The following SCN8A variants were observed in gnomAD, a reference collection of about 807,000 sequenced individuals.
SCN8A encodes the protein sodium channel protein type 8 subunit alpha.
Under a neutral mutation model 184.1 loss-of-function variants are expected in SCN8A, and 30 were observed. That is an observed-to-expected ratio of 0.16 (90% confidence interval 0.12 to 0.22). SCN8A has a LOEUF of 0.22. Ranked by LOEUF, SCN8A falls within the 10% of genes least tolerant of loss-of-function variation. The probability of loss-of-function intolerance (pLI) is 1.00; values close to 1 mark genes in which losing one functional copy is unlikely to be tolerated. For missense variants in SCN8A, 1,057 were observed against 2,498.9 expected, an observed-to-expected ratio of 0.42 and a Z score of 12.30; for synonymous variants, 852 against 907.0, an observed-to-expected ratio of 0.94 and a Z score of 1.09.
chr12:51,698,750 G>A (rs1377457015), intron 6 of SCN8A, among the ~76,000 whole-genome samples: 2 of 152,312 alleles, frequency 1.3e-5, no homozygotes, highest in African/African-American at 2.4e-5. Flanking sequence ...GGGAATGTAT[G>A]TGATACAGAA....
chr12:51,610,005 A>C (rs1245223524), intron 1 of SCN8A, among the ~76,000 whole-genome samples: 2 of 151,672 alleles, frequency 1.3e-5, no homozygotes, highest in African/African-American at 4.8e-5. Flanking sequence ...ATAAATAAAA[A>C]ATAAAAATAC....
intron 21 of SCN8A, among the ~76,000 whole-genome samples, chr12:51,781,012 G>A (rs192569134): frequency 1.3e-5 from 2 of 152,162 alleles, no homozygotes; most frequent in East Asian, 3.9e-4. Context: ...TGTTAACATT[G>A]GCTATTCTCA....
intron 1 of SCN8A, among the ~76,000 whole-genome samples, chr12:51,633,061 TG>T (rs1333543366): frequency 2.7e-4 from 41 of 152,326 alleles, no homozygotes; most frequent in African/African-American, 8.9e-4. Context: ...TGAAGTACTT[TG>T]TTAAGCTCTG....
chr12:51,780,970 C>T (rs893917321), intron 21 of SCN8A, among the ~76,000 whole-genome samples, 199 bp downstream of exon 21: 1 of 152,098 alleles, frequency 6.6e-6, no homozygotes, highest in African/African-American at 2.4e-5. Flanking sequence ...TTAATATTGG[C>T]CCCACCCCCA....
intron 14 of SCN8A, among the ~76,000 whole-genome samples, chr12:51,760,444 A>G (rs1942745684): frequency 6.6e-6 from 1 of 152,138 alleles, no homozygotes; most frequent in Non-Finnish European, 1.5e-5. Context: ...TAACTATGTC[A>G]TTGTTGATTT....
At chr12:51,684,029 T>G in intron 2 of SCN8A, 145 bp from the exon 3 acceptor site, 1 of 671,434 alleles carries the variant, frequency 1.5e-6, no homozygotes, top group Non-Finnish European at 2.7e-6. Context: ...AACATTGTGT[T>G]AAGTTTGCTT....
At chr12:51,613,696 T>C (rs1939771891) in intron 1 of SCN8A, among the ~76,000 whole-genome samples, 1 of 151,906 alleles carries the variant, frequency 6.6e-6, no homozygotes, top group Admixed American at 6.6e-5. Context: ...TTGAGACCTT[T>C]CTTCTTTTCT....
At chr12:51,605,786 T>C (rs566336199) in intron 1 of SCN8A, among the ~76,000 whole-genome samples, 75 of 152,338 alleles carry the variant, frequency 4.9e-4, no homozygotes, top group Admixed American at 1.2e-3. Flanking sequence ...TTATGGCCAT[T>C]CTTTCAGGAG....
intron 1 of SCN8A, among the ~76,000 whole-genome samples, chr12:51,598,872 G>T (rs1242781970): frequency 6.6e-6 from 1 of 152,060 alleles, no homozygotes; most frequent in Non-Finnish European, 1.5e-5. Flanking sequence ...TCTCATTCTA[G>T]ATCATCTTAG....
At chr12:51,599,352 AAGAG>A (rs749058501) in intron 1 of SCN8A, among the ~76,000 whole-genome samples, 3 of 152,308 alleles carry the variant, frequency 2.0e-5, no homozygotes, top group Admixed American at 6.5e-5. Flanking sequence ...TTTTTTAGGA[AAGAG>A]AGAGCATTTC....
At chr12:51,798,464 C>T (rs1337809212) in intron 26 of SCN8A, among the ~76,000 whole-genome samples, 4 of 152,214 alleles carry the variant, frequency 2.6e-5, no homozygotes, top group Admixed American at 6.5e-5. Flanking sequence ...AGCCTACCAC[C>T]AAGTAGCTGG....
intron 23 of SCN8A, 125 bp from the exon 24 acceptor site, chr12:51,789,156 A>G (rs1938172613): frequency 2.0e-6 from 2 of 1,013,696 alleles, no homozygotes; most frequent in Non-Finnish European, 1.5e-6. Context: ...GGCAGAAAGA[A>G]TCTAGGGCTC....
At chr12:51,700,708 G>A (rs1941672956) in intron 7 of SCN8A, among the ~76,000 whole-genome samples, 1 of 152,160 alleles carries the variant, frequency 6.6e-6, no homozygotes. Context: ...TGCTGGAAAG[G>A]AAAACATGCC....
rs1020683513 is a variant in SCN8A at position 51,806,799 on chromosome 12, A to G, written c.5313A>G (p.Val1771=). The G allele has an allele frequency of 5.6e-6, 9 of 1,614,088 alleles. No homozygotes were observed. Among genetic ancestry groups the G allele is most frequent in the African/African-American group, 1.3e-5 (1 of 74,922 alleles). ...YIAIILENFS[V]ATEESADPLS... is the part of the protein sequence containing the mutation. ...CCATCATCCTGGAGAACTTCAGTGTAGCCACAGAGGAAAGTGCAGACCCTC... is the reference window on the plus strand; with the variant it reads ...CCATCATCCTGGAGAACTTCAGTGTGGCCACAGAGGAAAGTGCAGACCCTC... The change falls in exon 27 of 27, where the codon GTA becomes GTG. Residue 1771 remains valine (V), a synonymous_variant. Coordinates refer to ENST00000627620, the MANE Select transcript of SCN8A (RefSeq NM_001330260.2). The surrounding 1 kb of genome is among the most constrained non-coding windows in gnomAD (Gnocchi z 8.7).
At chr12:51,701,971 A>G (rs1485655344) in intron 8 of SCN8A, among the ~76,000 whole-genome samples, 1 of 152,190 alleles carries the variant, frequency 6.6e-6, no homozygotes, top group Non-Finnish European at 1.5e-5. Flanking sequence ...TAACTGAGGT[A>G]ACTGAAATCC....
At chr12:51,710,868 A>G (rs1452318700) in intron 11 of SCN8A, among the ~76,000 whole-genome samples, 1 of 152,140 alleles carries the variant, frequency 6.6e-6, no homozygotes, top group Non-Finnish European at 1.5e-5. Flanking sequence ...TTTACTCTAC[A>G]TATAGAAAGT....
At chr12:51,707,327 G>A (rs1323215091) in intron 11 of SCN8A, among the ~76,000 whole-genome samples, 3 of 151,894 alleles carry the variant, frequency 2.0e-5, no homozygotes, top group African/African-American at 7.3e-5. Flanking sequence ...TATATAAAGG[G>A]GAGTTTATTA....
chr12:51,673,465 T>C (rs1941168149), intron 2 of SCN8A, among the ~76,000 whole-genome samples: 2 of 152,154 alleles, frequency 1.3e-5, no homozygotes, highest in South Asian at 2.1e-4. Flanking sequence ...ATCTGAGACA[T>C]AGAAAAGGAG....
intron 1 of SCN8A, among the ~76,000 whole-genome samples, chr12:51,596,276 T>A (rs1555206065): frequency 6.6e-6 from 1 of 152,222 alleles, no homozygotes; most frequent in Non-Finnish European, 1.5e-5. Context: ...ACTCTGTGTT[T>A]GTCTATTTAT....
Sources: gnomAD v4.1 joint callset for allele counts (sites outside exome capture counted in the v4.1 genomes callset) on GRCh38, gnomAD v4.1.1 for gene constraint, Gnocchi (gnomAD v3.1) non-coding constraint, MANE v1.5 for transcripts, NCBI Gene and HGNC (gene_info 2026-07-23, HGNC 2026-07-21) for gene names.